Variants in MYO3B observed in about 807,000 individuals in gnomAD.
MYO3B encodes the protein myosin IIIB.
In MYO3B, 156 loss-of-function variants were observed where a neutral mutation model predicts 174.6. The observed-to-expected ratio is 0.89, with a 90% CI of 0.78 to 1.02. The LOEUF is 1.02. MYO3B is among the 50% of genes least tolerant of loss of function. The probability of loss-of-function intolerance (pLI) is 0.00; values close to 1 mark genes in which losing one functional copy is unlikely to be tolerated. For missense variants in MYO3B, 1,632 were observed against 1,639.4 expected (o/e 1.00, Z 0.08); for synonymous variants, 563 against 569.1 (o/e 0.99, Z 0.15).
intron 8 of MYO3B, among the ~76,000 whole-genome samples, chr2:170,345,497 A>C (rs886647048): frequency 2.0e-5 from 3 of 152,140 alleles, no homozygotes; most frequent in Admixed American, 1.3e-4. Context: ...TATTTTTAGT[A>C]TGAAGGGCTA....
chr2:170,308,488 T>A (rs1180028257), intron 7 of MYO3B, among the ~76,000 whole-genome samples: 1 of 152,158 alleles, frequency 6.6e-6, no homozygotes, highest in African/African-American at 2.4e-5. Context: ...AAATCACTGA[T>A]CCCATAACAA....
intron 6 of MYO3B, among the ~76,000 whole-genome samples, chr2:170,218,254 T>G (rs1340970413): frequency 6.6e-6 from 1 of 152,186 alleles, no homozygotes; most frequent in Non-Finnish European, 1.5e-5. Context: ...TCTTTCATAC[T>G]GGGTAATGGA....
At chr2:170,534,877 TA>T (rs930874870) in intron 30 of MYO3B, among the ~76,000 whole-genome samples, 26 of 152,242 alleles carry the variant, frequency 1.7e-4, no homozygotes, top group African/African-American at 6.0e-4. Flanking sequence ...AGCATTCCTC[TA>T]ACCTCTACGT....
At chr2:170,469,267 C>G (rs1449337512) in intron 25 of MYO3B, among the ~76,000 whole-genome samples, 1 of 152,188 alleles carries the variant, frequency 6.6e-6, no homozygotes, top group Non-Finnish European at 1.5e-5. Context: ...ACCCAATATT[C>G]TGTAAAAGAT....
chr2:170,386,859 G>C (rs2105752298), intron 13 of MYO3B, among the ~76,000 whole-genome samples: 1 of 152,326 alleles, frequency 6.6e-6, no homozygotes, highest in East Asian at 1.9e-4. Flanking sequence ...TATCTGTCAA[G>C]GATTTTAAAT....
chr2:170,578,090 A>G (rs576166578), intron 32 of MYO3B, among the ~76,000 whole-genome samples: 1 of 152,346 alleles, frequency 6.6e-6, no homozygotes, highest in East Asian at 1.9e-4. Context: ...ATAAACAAAC[A>G]TACCTGCTTA....
chr2:170,553,767 A>G (rs1227242808), intron 32 of MYO3B, among the ~76,000 whole-genome samples: 2 of 152,200 alleles, frequency 1.3e-5, no homozygotes, highest in African/African-American at 2.4e-5. Context: ...CCCAAATCTC[A>G]TGTTGAATTG....
At chr2:170,291,346 T>C (rs1009500850) in intron 7 of MYO3B, among the ~76,000 whole-genome samples, 2 of 152,170 alleles carry the variant, frequency 1.3e-5, no homozygotes, top group African/African-American at 2.4e-5. Flanking sequence ...CTTTTAGTTG[T>C]CTCAGTTTAC....
At chr2:170,209,855 T>G (rs905370465) in intron 3 of MYO3B, among the ~76,000 whole-genome samples, 4 of 152,210 alleles carry the variant, frequency 2.6e-5, no homozygotes, top group Admixed American at 6.5e-5. Flanking sequence ...AAATATAACC[T>G]AAATAATATT....
chr2:170,369,403 C>G, intron 9 of MYO3B, 26 bp downstream of exon 9: 1 of 1,593,596 alleles, frequency 6.3e-7, no homozygotes, highest in Non-Finnish European at 8.6e-7. Context: ...TCTTCTTTCT[C>G]CCTGTGGTTG....
intron 32 of MYO3B, among the ~76,000 whole-genome samples, chr2:170,576,877 G>C (rs1335292106): frequency 6.6e-6 from 1 of 152,092 alleles, no homozygotes; most frequent in Non-Finnish European, 1.5e-5. Flanking sequence ...GCAGATTTCT[G>C]CTTGCTGTAG....
chr2:170,402,621 A>G (rs369362289), intron 18 of MYO3B, among the ~76,000 whole-genome samples: 2 of 151,848 alleles, frequency 1.3e-5, no homozygotes, highest in South Asian at 2.1e-4. Context: ...ATTTTAAAGG[A>G]TTCTACTGCT....
At chr2:170,386,086 T>C in intron 12 of MYO3B, 103 bp from the exon 13 acceptor site, 1 of 852,928 alleles carries the variant, frequency 1.2e-6, no homozygotes, top group Admixed American at 2.4e-5. Context: ...AAGATCTATC[T>C]CTCAGTGAAA....
intron 32 of MYO3B, among the ~76,000 whole-genome samples, chr2:170,620,469 T>C (rs952766763): frequency 1.3e-5 from 2 of 152,242 alleles, no homozygotes; most frequent in African/African-American, 4.8e-5. Context: ...ATTGTACTTT[T>C]GTCAAGAACT....
chr2:170,330,603 T>C (rs944862075), intron 7 of MYO3B, among the ~76,000 whole-genome samples: 1 of 152,230 alleles, frequency 6.6e-6, no homozygotes, highest in Admixed American at 6.5e-5. Flanking sequence ...ATGATGGTTA[T>C]TGGTATTCAT....
At position 170,286,462 on chromosome 2, in the gene MYO3B, A is replaced by G. The variant is rs529971433; in HGVS notation, c.750-48923A>G. ...TGTAGGAAGTTTCCCATTTATATCT[A>G]TTTAGAGGCTTTCCTGGATTATATC... On this transcript the variant is annotated intron_variant, in intron 7 of 34. Transcript: ENST00000408978. 3.8e-4 allele frequency among the ~76,000 whole-genome samples: 58 copies of G among 152,256 alleles called. No homozygotes were observed. The South Asian group carries it at 9.5e-3, about 25-fold the overall frequency.
intron 32 of MYO3B, among the ~76,000 whole-genome samples, chr2:170,551,263 TGTA>T (rs1575152414): frequency 1.3e-5 from 2 of 151,974 alleles, no homozygotes; most frequent in Non-Finnish European, 1.5e-5. Context: ...CTAACCTGGC[TGTA>T]GTATATTCTC....
At chr2:170,550,552 A>T (rs1575151372) in intron 32 of MYO3B, among the ~76,000 whole-genome samples, 1 of 152,246 alleles carries the variant, frequency 6.6e-6, no homozygotes, top group Admixed American at 6.5e-5. Flanking sequence ...AATCAGAGAA[A>T]GTGGGCTTTA....
intron 30 of MYO3B, among the ~76,000 whole-genome samples, chr2:170,534,712 G>A (rs768133612): frequency 1.8e-4 from 28 of 152,236 alleles, no homozygotes; most frequent in Non-Finnish European, 3.1e-4. Flanking sequence ...AGTGCTAGGA[G>A]TACAGGCATG....
Sources: allele counts gnomAD v4.1 joint callset (sites outside exome capture counted in the v4.1 genomes callset), GRCh38; gene constraint gnomAD v4.1.1; transcripts MANE v1.5; gene names NCBI Gene and HGNC (gene_info 2026-07-23, HGNC 2026-07-21).